The following HS2ST1 variants were observed in gnomAD, a reference collection of about 807,000 sequenced individuals.
HS2ST1 encodes the protein 2-O-sulfotransferase.
In HS2ST1, 18 loss-of-function variants were observed where a neutral mutation model predicts 42.9. The ratio of observed to expected loss-of-function variants is 0.42; its 90% confidence interval spans 0.29 to 0.62. HS2ST1 has a LOEUF of 0.62. Ranked by LOEUF, HS2ST1 falls within the 20% of genes least tolerant of loss-of-function variation. The pLI, the probability that HS2ST1 is intolerant of heterozygous loss-of-function variation, is 0.21. For missense variants in HS2ST1, 334 were observed against 433.8 expected, an observed-to-expected ratio of 0.77 and a Z score of 2.04; for synonymous variants, 146 against 152.9, an observed-to-expected ratio of 0.95 and a Z score of 0.33.
In HS2ST1 at chr1:87,108,306, C is replaced by T. The variant is rs1652373863; in HGVS notation, c.*3610C>T. On this transcript the variant is annotated 3_prime_UTR_variant, in exon 7 of 7. Transcript: ENST00000370550. ...GTGTAAATCATCTAACTGGATTTTTCCATTGGTCATTCCCAAACACACCTA... is the reference window on the plus strand; with the variant it reads ...GTGTAAATCATCTAACTGGATTTTTTCATTGGTCATTCCCAAACACACCTA... The T allele has an allele frequency of 6.6e-6, 1 of 151,976 alleles. No homozygotes were observed. Among genetic ancestry groups the T allele is most frequent in the Non-Finnish European group, 1.5e-5 (1 of 67,958 alleles). The allele number at this position is 151,976 out of a possible 1,614,324, so 9.4% of individuals were successfully genotyped here. A position where few individuals can be genotyped will look rare whatever the true frequency, so the allele number is the denominator to read the frequency against.
intron 1 of HS2ST1, among the ~76,000 whole-genome samples, chr1:86,963,582 A>G (rs1253806457): frequency 2.0e-5 from 3 of 152,146 alleles, no homozygotes. Flanking sequence ...CAATAATCTG[A>G]TTTCTCTATC....
intron 1 of HS2ST1, among the ~76,000 whole-genome samples, chr1:87,037,944 T>G (rs1570502897): frequency 6.6e-6 from 1 of 152,038 alleles, no homozygotes; most frequent in Non-Finnish European, 1.5e-5. Flanking sequence ...CTTCATATTT[T>G]CTTATACATT....
chr1:86,925,931 T>C (rs527399873), intron 1 of HS2ST1, among the ~76,000 whole-genome samples: 21 of 152,250 alleles, frequency 1.4e-4, no homozygotes, highest in Non-Finnish European at 1.9e-4. Flanking sequence ...AATTTTTAAC[T>C]GGATGGCAGA....
chr1:87,015,348 G>GTTTT (rs35791774), intron 1 of HS2ST1, among the ~76,000 whole-genome samples: 12 of 131,768 alleles, frequency 9.1e-5, no homozygotes, highest in African/African-American at 1.2e-4. Context: ...GCCTGGCCCT[G>GTTTT]TTTTTTTTTT....
At chr1:87,005,281 T>A (rs1649404026) in intron 1 of HS2ST1, among the ~76,000 whole-genome samples, 1 of 152,238 alleles carries the variant, frequency 6.6e-6, no homozygotes, top group African/African-American at 2.4e-5. Flanking sequence ...TCTTGTTAGC[T>A]CAAGGTTGGT....
chr1:87,074,196 T>C (rs11161932), intron 2 of HS2ST1, among the ~76,000 whole-genome samples: 138,194 of 152,192 alleles, frequency 0.91, 62,982 homozygotes, highest in East Asian at 0.99. Context: ...TACTCTTTTT[T>C]GTAGAACCAA....
chr1:87,103,675 T>G, intron 6 of HS2ST1, 86 bp downstream of exon 6: 3 of 1,175,816 alleles, frequency 2.6e-6, no homozygotes, highest in Admixed American at 2.8e-5. Context: ...TTGAAGTTTC[T>G]TCAGTGAAAC....
At chr1:87,049,132 C>G (rs915853011) in intron 1 of HS2ST1, among the ~76,000 whole-genome samples, 1 of 151,924 alleles carries the variant, frequency 6.6e-6, no homozygotes, top group Non-Finnish European at 1.5e-5. Context: ...TTCTGTTTAG[C>G]TATCTGTGAG....
At position 87,075,469 on chromosome 1, in the gene HS2ST1, A is replaced by G. The variant is rs932820314; in HGVS notation, c.363+2297A>G. Among the ~76,000 whole-genome samples the G allele has an allele frequency of 3.9e-5, 6 of 152,128 alleles. No individual in the cohort carries two copies. The South Asian group carries it at 1.2e-3, about 32-fold the overall frequency. ...GGCGCCTGGCCTCTCAGCTGCTTAA[A>G]TAAGAATTAAATGAACTATTTTGCT... On this transcript the variant is annotated intron_variant, in intron 2 of 6. Transcript: ENST00000370550.
intron 2 of HS2ST1, among the ~76,000 whole-genome samples, chr1:87,075,955 A>G (rs1021092165): frequency 6.6e-6 from 1 of 152,204 alleles, no homozygotes; most frequent in Non-Finnish European, 1.5e-5. Context: ...TAACAAAGAA[A>G]TAGAAAGCAT....
At chr1:86,927,513 C>G (rs1447027153) in intron 1 of HS2ST1, among the ~76,000 whole-genome samples, 1 of 152,166 alleles carries the variant, frequency 6.6e-6, no homozygotes, top group Non-Finnish European at 1.5e-5. Flanking sequence ...TAAATTCCAG[C>G]ACAAGTTAGG....
chr1:87,006,772 AATTT>A (rs1452146922), intron 1 of HS2ST1, among the ~76,000 whole-genome samples: 1 of 152,108 alleles, frequency 6.6e-6, no homozygotes, highest in East Asian at 1.9e-4. Flanking sequence ...ATTAATCTAA[AATTT>A]ATTTCTAAAT....
intron 1 of HS2ST1, among the ~76,000 whole-genome samples, chr1:87,021,838 G>A (rs946902663): frequency 2.0e-5 from 3 of 152,110 alleles, no homozygotes; most frequent in East Asian, 1.9e-4. Context: ...TCATACCACC[G>A]ATGATACTTC....
chr1:86,990,246 A>G (rs1231265809), intron 1 of HS2ST1, among the ~76,000 whole-genome samples: 3 of 152,172 alleles, frequency 2.0e-5, no homozygotes, highest in African/African-American at 7.2e-5. Flanking sequence ...AATGTTGTTT[A>G]TTTGGAACAT....
At chr1:87,072,786 T>C (rs1203041748) in intron 1 of HS2ST1, 148 bp from the exon 2 acceptor site, 1 of 629,012 alleles carries the variant, frequency 1.6e-6, no homozygotes, top group Non-Finnish European at 2.8e-6. Flanking sequence ...CCCAAGCAAT[T>C]TACCCATGTT....
chr1:86,980,898 G>T (rs931611492), intron 1 of HS2ST1, among the ~76,000 whole-genome samples: 1 of 152,186 alleles, frequency 6.6e-6, no homozygotes, highest in African/African-American at 2.4e-5. Flanking sequence ...GCTAAAAAGT[G>T]TGTAATATAT....
intron 1 of HS2ST1, chr1:87,045,530 A>G (rs190168100): frequency 1.4e-4 from 113 of 832,040 alleles, no homozygotes; most frequent in Non-Finnish European, 2.1e-4. Flanking sequence ...ATATGTAACA[A>G]TTGGGGTTGG....
intron 1 of HS2ST1, among the ~76,000 whole-genome samples, chr1:86,939,673 A>G (rs1324083833): frequency 6.6e-6 from 1 of 152,204 alleles, no homozygotes; most frequent in Non-Finnish European, 1.5e-5. Flanking sequence ...TCCTATGTGC[A>G]CTAAGGTTAA....
intron 1 of HS2ST1, among the ~76,000 whole-genome samples, chr1:87,036,686 C>G (rs1570502000): frequency 6.6e-6 from 1 of 152,050 alleles, no homozygotes; most frequent in African/African-American, 2.4e-5. Flanking sequence ...ATTTTTAATT[C>G]AGTTGGTGTA....
Sources: gnomAD v4.1 joint callset for allele counts (sites outside exome capture counted in the v4.1 genomes callset) on GRCh38, gnomAD v4.1.1 for gene constraint, MANE v1.5 for transcripts, NCBI Gene and HGNC (gene_info 2026-07-23, HGNC 2026-07-21) for gene names.